The following ZFR variants were observed in gnomAD, a reference collection of about 807,000 sequenced individuals.
ZFR encodes the protein zinc finger RNA binding protein, also known as zinc finger RNA-binding protein.
A neutral mutation model predicts 130.7 loss-of-function variants in ZFR; 19 were observed. That is an observed-to-expected ratio of 0.15 (90% CI 0.10 to 0.21). ZFR has a LOEUF of 0.21. Ranked by LOEUF, ZFR falls within the 10% of genes least tolerant of loss-of-function variation. The pLI, the probability that ZFR is intolerant of heterozygous loss-of-function variation, is 1.00. For synonymous variants in ZFR, 466 were observed against 456.9 expected, an observed-to-expected ratio of 1.02 and a Z score of -0.25; for missense variants, 872 against 1,321.5, an observed-to-expected ratio of 0.66 and a Z score of 5.27.
intron 13 of ZFR, 137 bp from the exon 14 acceptor site, chr5:32,387,836 AT>A (rs1561879678): frequency 1.3e-6 from 1 of 794,820 alleles, no homozygotes; most frequent in Non-Finnish European, 1.9e-6. Context: ...GACATCCAGC[AT>A]TTTTAGAACT....
In ZFR at chr5:32,406,843, T is replaced by G; in HGVS notation, c.963A>C (p.Pro321=). 6.2e-7 allele frequency: 1 copy of G among 1,614,128 alleles called. No individual in the cohort carries two copies. The change falls in exon 6 of 20, where the codon CCA becomes CCC. Residue 321 remains proline (P), a synonymous_variant. Transcript: ENST00000265069. ...TCTGTGGTGGTTTGGGAGGCTGTTT[T>G]GGTTTCAGTTGTTTATTTTGGAATG... ...KAPFQNKQLK[P]KQPPKPPQIH... is the part of the protein sequence containing the mutation.
intron 8 of ZFR, 113 bp from the exon 9 acceptor site, chr5:32,400,316 T>C (rs780811187): frequency 1.4e-6 from 1 of 736,490 alleles, no homozygotes; most frequent in Non-Finnish European, 2.0e-6. Flanking sequence ...AACTCCTAAC[T>C]GACATACAAC....
Position 32,442,221 on chromosome 5 carries a change from T to C in ZFR, c.137+2008A>G, listed in dbSNP as rs1031437304. Among the ~76,000 whole-genome samples, 4 of 152,148 alleles carry C rather than the reference T, an allele frequency of 2.6e-5. No homozygotes were observed. In the South Asian group the frequency reaches 6.2e-4, roughly 24 times the overall value. ...ACAGAAAAAACCTGAGTAAAACAAGTAAAATTTTAATGGTTAAACACAATC... is the reference window on the plus strand; with the variant it reads ...ACAGAAAAAACCTGAGTAAAACAAGCAAAATTTTAATGGTTAAACACAATC... On this transcript the variant is annotated intron_variant, in intron 2 of 19. Coordinates refer to ENST00000265069, the MANE Select transcript of ZFR (RefSeq NM_016107.5).
intron 2 of ZFR, 136 bp downstream of exon 2, chr5:32,444,093 C>CTGGGCCGGGCCG: frequency 1.2e-6 from 1 of 802,022 alleles, no homozygotes; most frequent in Non-Finnish European, 1.6e-6. Context: ...GAGAGGCCGC[C>CTGGGCCGGGCCG]GGGCTGGGCC....
chr5:32,366,932 G>C (rs1752560771), intron 17 of ZFR, among the ~76,000 whole-genome samples: 2 of 149,952 alleles, frequency 1.3e-5, no homozygotes, highest in African/African-American at 4.9e-5. Flanking sequence ...CCAGGATGGA[G>C]TGCAGTAGTT....
In ZFR at chr5:32,403,888, T is replaced by C; in HGVS notation, c.1224+18A>G. 1 of 1,557,300 alleles carries C rather than the reference T, an allele frequency of 6.4e-7. No homozygotes were observed. The highest frequency in any genetic ancestry group is 8.7e-7 in the Non-Finnish European group (1 of 1,149,774). ...AACAGAATCAAGGCATAAGGGTGTG[T>C]GGGAAAAAAACACCTACTTTCTGAT... On this transcript the variant is annotated intron_variant, in intron 7 of 19. Coordinates refer to ENST00000265069, the MANE Select transcript of ZFR (RefSeq NM_016107.5).
chr5:32,403,504 A>G (rs940487269), intron 7 of ZFR, 107 bp from the exon 8 acceptor site: 10 of 1,381,432 alleles, frequency 7.2e-6, no homozygotes, highest in Admixed American at 7.0e-5. Flanking sequence ...TCTTTGTTGT[A>G]TTTTTTCTGC....
chr5:32,416,074 T>C, intron 4 of ZFR, among the ~76,000 whole-genome samples: 1 of 152,004 alleles, frequency 6.6e-6, no homozygotes, highest in East Asian at 1.9e-4. Flanking sequence ...CAAGTGATCC[T>C]CCCACCTCAG....
intron 5 of ZFR, among the ~76,000 whole-genome samples, chr5:32,412,542 T>C (rs1046641294): frequency 6.6e-6 from 1 of 152,172 alleles, no homozygotes; most frequent in African/African-American, 2.4e-5. Context: ...ACCAAATACA[T>C]ACAAAGCCCA....
chr5:32,401,816 T>C (rs1214559492), intron 8 of ZFR, among the ~76,000 whole-genome samples: 1 of 152,136 alleles, frequency 6.6e-6, no homozygotes, highest in Non-Finnish European at 1.5e-5. Flanking sequence ...TTTTAAGGCC[T>C]AAAAAAGGGC....
chr5:32,358,080 G>A (rs879787909), intron 19 of ZFR, among the ~76,000 whole-genome samples: 1 of 152,224 alleles, frequency 6.6e-6, no homozygotes, highest in Admixed American at 6.5e-5. Flanking sequence ...AAAATTGGCT[G>A]AATGTGATGG....
chr5:32,439,296 C>T (rs1467236314), intron 2 of ZFR, among the ~76,000 whole-genome samples: 2 of 152,158 alleles, frequency 1.3e-5, no homozygotes, highest in Non-Finnish European at 2.9e-5. Flanking sequence ...AACCTGTTCA[C>T]CTGGTTTTTT....
At chr5:32,434,326 T>C (rs1754286682) in intron 2 of ZFR, among the ~76,000 whole-genome samples, 1 of 152,258 alleles carries the variant, frequency 6.6e-6, no homozygotes, top group South Asian at 2.1e-4. Context: ...TTCAACATTA[T>C]CATTGGTCTA....
chr5:32,364,721 T>C (rs1345073476), intron 17 of ZFR: 1 of 152,080 alleles, frequency 6.6e-6, no homozygotes, highest in African/African-American at 2.4e-5. Flanking sequence ...CCCTGAGTGA[T>C]GGAGTGAGAC....
intron 11 of ZFR, among the ~76,000 whole-genome samples, 165 bp downstream of exon 11, chr5:32,394,994 A>G (rs1753268653): frequency 6.6e-6 from 1 of 152,204 alleles, no homozygotes; most frequent in East Asian, 1.9e-4. Flanking sequence ...ATAGCCAGTA[A>G]CAATTTTAAT....
rs1752267075 is a variant in ZFR, at chr5:32,354,624, T to G, written c.*1136A>C. On this transcript the variant is annotated 3_prime_UTR_variant, in exon 20 of 20. Coordinates refer to ENST00000265069, the MANE Select transcript of ZFR (RefSeq NM_016107.5). ...TGGCCACACCAAATAATTTTCTGTT[T>G]TTTTCCTTAGATAATTTTTTATCAG... The G allele has an allele frequency of 6.6e-6, 1 of 152,624 alleles. No individual in the cohort carries two copies. The highest frequency in any genetic ancestry group is 2.4e-5 in the African/African-American group (1 of 41,448). The allele number at this position is 152,624 out of a possible 1,614,324, so 9.5% of individuals were successfully genotyped here.
chr5:32,439,644 T>A (rs1754415372), intron 2 of ZFR, among the ~76,000 whole-genome samples: 1 of 151,986 alleles, frequency 6.6e-6, no homozygotes, highest in Admixed American at 6.6e-5. Flanking sequence ...AGTGGCTGTT[T>A]ACAACTCTCA....
intron 6 of ZFR, among the ~76,000 whole-genome samples, chr5:32,405,532 T>C (rs1159867729): frequency 6.7e-6 from 1 of 148,326 alleles, no homozygotes; most frequent in Non-Finnish European, 1.5e-5. Flanking sequence ...CTGCTGTTAA[T>C]CTATCACCCA....
chr5:32,402,419 C>G (rs999918762), intron 8 of ZFR, among the ~76,000 whole-genome samples: 1 of 152,118 alleles, frequency 6.6e-6, no homozygotes, highest in South Asian at 2.1e-4. Flanking sequence ...CAGAAAAAGG[C>G]AGAGTAGAAA....
Sources: gnomAD v4.1 joint callset for allele counts (sites outside exome capture counted in the v4.1 genomes callset) on GRCh38, gnomAD v4.1.1 for gene constraint, MANE v1.5 for transcripts, NCBI Gene and HGNC (gene_info 2026-07-23, HGNC 2026-07-21) for gene names.